EPHA5: variants seen among roughly 807,000 people sequenced by gnomAD.
EPHA5 encodes the protein ephrin type-A receptor 5.
EPHA5 carries 60 observed loss-of-function variants against 105.0 expected under a neutral mutation model. The observed-to-expected ratio is 0.57, with a 90% CI of 0.46 to 0.71. The LOEUF (loss-of-function observed/expected upper bound fraction) is 0.71, where lower values mean the gene tolerates loss of function less well. EPHA5 is among the 30% of genes least tolerant of loss of function. The pLI is 0.00. For missense variants in EPHA5, 1,218 were observed against 1,274.7 expected (o/e 0.96, Z 0.68); for synonymous variants, 513 against 449.1 (o/e 1.14, Z -1.80).
intron 3 of EPHA5, among the ~76,000 whole-genome samples, chr4:65,581,158 C>T (rs925829507): frequency 6.6e-6 from 1 of 151,686 alleles, no homozygotes; most frequent in Non-Finnish European, 1.5e-5. Flanking sequence ...TTTGGTGACT[C>T]GGGTCCTTTT....
chr4:65,572,963 G>A (rs1157031621), intron 3 of EPHA5, among the ~76,000 whole-genome samples: 5 of 151,990 alleles, frequency 3.3e-5, no homozygotes, highest in African/African-American at 2.4e-5. Flanking sequence ...CCCAGGAGGC[G>A]GAGGCTGCAG....
chr4:65,640,288 T>TTTC (rs1182324588), intron 2 of EPHA5, among the ~76,000 whole-genome samples: 55 of 138,088 alleles, frequency 4.0e-4, no homozygotes, highest in Admixed American at 5.8e-4. Context: ...TTTTCTTTTT[T>TTTC]TTTTTTTTTT....
chr4:65,394,154 G>A (rs952318008), intron 8 of EPHA5, among the ~76,000 whole-genome samples: 8 of 152,116 alleles, frequency 5.3e-5, no homozygotes, highest in Admixed American at 6.5e-5. Context: ...AAGGGAGGAG[G>A]ATCTACTAAA....
intron 3 of EPHA5, among the ~76,000 whole-genome samples, chr4:65,537,426 T>C (rs1208686501): frequency 1.3e-5 from 2 of 151,850 alleles, no homozygotes; most frequent in Non-Finnish European, 2.9e-5. Context: ...CCTGCCACTG[T>C]AGCAAAACCT....
intron 3 of EPHA5, among the ~76,000 whole-genome samples, chr4:65,520,656 A>C (rs1341650143): frequency 2.6e-4 from 40 of 152,190 alleles, no homozygotes; most frequent in Non-Finnish European, 2.9e-5. Context: ...TCCAGAATCT[A>C]CAAAGAACTC....
chr4:65,632,559 A>G (rs1293970818), intron 2 of EPHA5, among the ~76,000 whole-genome samples: 8 of 149,198 alleles, frequency 5.4e-5, no homozygotes, highest in Admixed American at 5.4e-4. Flanking sequence ...AAAAATCTGC[A>G]GCCTTTTGGT....
At chr4:65,456,929 T>G (rs1727656365) in intron 5 of EPHA5, among the ~76,000 whole-genome samples, 1 of 152,150 alleles carries the variant, frequency 6.6e-6, no homozygotes, top group Admixed American at 6.6e-5. Flanking sequence ...CTCCAAGAGT[T>G]TATTTGCTAT....
At chr4:65,377,100 G>A (rs1719088571) in intron 8 of EPHA5, 2 of 1,587,654 alleles carry the variant, frequency 1.3e-6, no homozygotes, top group Non-Finnish European at 8.6e-7. Context: ...ATAAGGAAGA[G>A]ATCCCACTCC....
rs542769270 is a variant in EPHA5, at chr4:65,545,664, T to G, written c.911-50121A>C. Among the ~76,000 whole-genome samples, 83 of 151,840 alleles carry G rather than the reference T, an allele frequency of 5.5e-4. 1 individual carries two copies. The South Asian group carries it at 0.017, about 32-fold the overall frequency. On this transcript the variant is annotated intron_variant, in intron 3 of 16. Coordinates refer to ENST00000613740, the MANE Select transcript of EPHA5 (RefSeq NM_001281766.3). ...ATATGAATAGAGAACAAGATAAAAA[T>G]GGAAAGAGCAAAATATTTTGAACAT...
rs748201189 is a variant in EPHA5 at position 65,365,095 on chromosome 4, C to T, written c.2095G>A (p.Asp699Asn). The change falls in exon 11 of 17, where the codon GAT (aspartate) becomes AAT (asparagine). Residue 699 changes from aspartate (D) to asparagine (N), a missense_variant. Coordinates refer to ENST00000613740, the MANE Select transcript of EPHA5 (RefSeq NM_001281766.3). ...ATGATACTTGCTTCACCTAGGAAAT[C>T]TCTGCGTTGCTTTTCAGTATAGCCT... is the stretch of plus-strand genomic sequence containing the variant. ...KVGYTEKQRR[D>N]FLGEASIMGQ... is the part of the protein sequence containing the mutation. The T allele has an allele frequency of 2.5e-6, 4 of 1,611,902 alleles. No homozygotes were observed. The highest frequency in any genetic ancestry group is 3.4e-6 in the Non-Finnish European group (4 of 1,178,512).
intron 8 of EPHA5, among the ~76,000 whole-genome samples, chr4:65,400,041 C>T (rs1443500988): frequency 6.6e-6 from 1 of 151,988 alleles, no homozygotes; most frequent in Non-Finnish European, 1.5e-5. Context: ...AATTTTATAT[C>T]AATAATCATA....
chr4:65,502,928 A>T (rs1732638214), intron 3 of EPHA5, among the ~76,000 whole-genome samples: 1 of 151,882 alleles, frequency 6.6e-6, no homozygotes, highest in Non-Finnish European at 1.5e-5. Context: ...AATACTACAC[A>T]ACCATAAAAA....
At chr4:65,562,469 A>G (rs1369291992) in intron 3 of EPHA5, among the ~76,000 whole-genome samples, 1 of 152,044 alleles carries the variant, frequency 6.6e-6, no homozygotes, top group Admixed American at 6.6e-5. Context: ...GCTCTTCTTG[A>G]AACTAAATTT....
intron 12 of EPHA5, among the ~76,000 whole-genome samples, chr4:65,352,611 C>T (rs187956520): frequency 1.3e-5 from 2 of 152,052 alleles, no homozygotes; most frequent in East Asian, 1.9e-4. Context: ...CTTATAGGCT[C>T]TAACTTGACA....
At chr4:65,473,809 C>A (rs547416564) in intron 5 of EPHA5, among the ~76,000 whole-genome samples, 1 of 151,736 alleles carries the variant, frequency 6.6e-6, no homozygotes, top group African/African-American at 2.4e-5. Context: ...TCATAGTACC[C>A]GACAGGTAGT....
At chr4:65,496,346 A>G (rs1364841217) in intron 3 of EPHA5, among the ~76,000 whole-genome samples, 2 of 149,192 alleles carry the variant, frequency 1.3e-5, no homozygotes, top group African/African-American at 4.9e-5. Flanking sequence ...GTCATCTAGC[A>G]TTAGGTATAT....
At chr4:65,505,462 C>T (rs1732916845) in intron 3 of EPHA5, among the ~76,000 whole-genome samples, 1 of 151,926 alleles carries the variant, frequency 6.6e-6, no homozygotes, top group Non-Finnish European at 1.5e-5. Flanking sequence ...TGAATTTGTA[C>T]TTTAGAAAAG....
intron 5 of EPHA5, among the ~76,000 whole-genome samples, chr4:65,448,626 T>C (rs1726788681): frequency 1.3e-5 from 2 of 152,020 alleles, no homozygotes; most frequent in Non-Finnish European, 2.9e-5. Context: ...CCAGCCTGAG[T>C]GACAGAGCCA....
At chr4:65,420,077 G>A (rs149991613) in intron 6 of EPHA5, among the ~76,000 whole-genome samples, 1 of 152,046 alleles carries the variant, frequency 6.6e-6, no homozygotes, top group African/African-American at 2.4e-5. Flanking sequence ...GTGTTATGTT[G>A]AGTTACTGGC....
Sources: allele counts gnomAD v4.1 joint callset (sites outside exome capture counted in the v4.1 genomes callset), GRCh38; gene constraint gnomAD v4.1.1; transcripts MANE v1.5; gene names NCBI Gene and HGNC (gene_info 2026-07-23, HGNC 2026-07-21).